Variants in PRELID2 observed in about 807,000 individuals in gnomAD.
PRELID2 encodes PRELI domain-containing protein 2.
In PRELID2, 25 loss-of-function variants were observed where a neutral mutation model predicts 28.4. The observed-to-expected ratio is 0.88, with a 90% CI of 0.64 to 1.23. The LOEUF (loss-of-function observed/expected upper bound fraction) is 1.23, where lower values mean the gene tolerates loss of function less well. Among genes scored for constraint, PRELID2 ranks in the 50% most tolerant of loss-of-function variants. The probability of loss-of-function intolerance (pLI) is 0.00; values close to 1 mark genes in which losing one functional copy is unlikely to be tolerated. For missense variants in PRELID2, 201 were observed against 214.4 expected, an observed-to-expected ratio of 0.94 and a Z score of 0.39; for synonymous variants, 76 against 71.6, an observed-to-expected ratio of 1.06 and a Z score of -0.31.
the PRELID2 span, among the ~76,000 whole-genome samples, chr5:145,377,575 C>T: frequency 1.3e-5 from 2 of 152,120 alleles, no homozygotes; most frequent in African/African-American, 4.8e-5. Flanking sequence ...ATATTTAAGA[C>T]AGTTAAATCT....
intron 4 of PRELID2, among the ~76,000 whole-genome samples, chr5:145,799,335 C>T: frequency 6.6e-6 from 1 of 151,938 alleles, no homozygotes; most frequent in East Asian, 1.9e-4. Flanking sequence ...GCTAAGGCAG[C>T]TCATCACCAC....
At chr5:145,452,309 T>A in the PRELID2 span, among the ~76,000 whole-genome samples, 1 of 152,194 alleles carries the variant, frequency 6.6e-6, no homozygotes, top group Admixed American at 6.6e-5. Flanking sequence ...TTCCACTTAC[T>A]TCTACCTCTT....
intron 1 of PRELID2, among the ~76,000 whole-genome samples, chr5:145,722,240 G>C (rs920914595): frequency 6.6e-6 from 1 of 152,106 alleles, no homozygotes; most frequent in African/African-American, 2.4e-5. Flanking sequence ...AACACTCTCA[G>C]ATTATAATAC....
chr5:145,680,521 G>A (rs79245049), intron 1 of PRELID2, among the ~76,000 whole-genome samples: 4,881 of 152,258 alleles, frequency 0.032, 252 homozygotes, highest in African/African-American at 0.11. Context: ...TGAGAAGATG[G>A]GTATTTGGGG....
At chr5:145,243,763 TTC>T in the PRELID2 span, among the ~76,000 whole-genome samples, 1 of 152,100 alleles carries the variant, frequency 6.6e-6, no homozygotes, top group Non-Finnish European at 1.5e-5. Context: ...ACAATAAATA[TTC>T]AACAAAAGTT....
At chr5:145,729,266 A>G (rs1654236) in intron 1 of PRELID2, 115,392 of 1,037,118 alleles carry the variant, frequency 0.11, 8,641 homozygotes, top group African/African-American at 0.26. Context: ...CTAACATACC[A>G]AAATCAAGCA....
the PRELID2 span, among the ~76,000 whole-genome samples, chr5:145,320,645 T>C: frequency 6.6e-6 from 1 of 152,164 alleles, no homozygotes; most frequent in East Asian, 1.9e-4. Flanking sequence ...ATTGCTATAA[T>C]GCTGAAAGAA....
chr5:145,321,192 C>A, the PRELID2 span, among the ~76,000 whole-genome samples: 4 of 152,062 alleles, frequency 2.6e-5, no homozygotes, highest in African/African-American at 9.7e-5. Context: ...TAGGAAGAAA[C>A]CCGTTAATGA....
intron 1 of PRELID2, among the ~76,000 whole-genome samples, chr5:145,707,800 C>T (rs994483499): frequency 1.3e-5 from 2 of 152,064 alleles, no homozygotes; most frequent in Non-Finnish European, 2.9e-5. Context: ...TGTGTTGTCC[C>T]TATTCAAATT....
At chr5:145,275,596 T>G in the PRELID2 span, among the ~76,000 whole-genome samples, 1 of 152,122 alleles carries the variant, frequency 6.6e-6, no homozygotes, top group Non-Finnish European at 1.5e-5. Context: ...GCAATGAGTA[T>G]GGAGCCATAA....
rs368547194 is a variant in PRELID2, at chr5:145,726,305, A to G, written n.70+38626T>C. Among the ~76,000 whole-genome samples the G allele has an allele frequency of 2.7e-5, 4 of 147,398 alleles. No homozygotes were observed. The South Asian group carries it at 6.5e-4, about 24-fold the overall frequency. ...AGACAGAAAGAAAGAAAGAAAAAGAAAGAGAGAGAGAGAGAAAGAGAGAAA... is the reference window on the plus strand; with the variant it reads ...AGACAGAAAGAAAGAAAGAAAAAGAGAGAGAGAGAGAGAGAAAGAGAGAAA... On this transcript the variant is annotated intron_variant and non_coding_transcript_variant, in intron 1 of 2. Transcript: ENST00000510259.
chr5:145,624,971 C>T lies in PRELID2; in HGVS notation n.70+139960G>A, dbSNP rs147864291. On this transcript the variant is annotated intron_variant and non_coding_transcript_variant, in intron 1 of 2. Transcript: ENST00000510259. ...AAGAGAGGCGCAAATGTCCCATAAT[C>T]ATAAGACAACAATCAACCTCATTAG... Among the ~76,000 whole-genome samples the T allele has an allele frequency of 1.8e-3, 279 of 152,184 alleles. 2 individuals are homozygous for T. The highest frequency in any genetic ancestry group is 6.5e-3 in the African/African-American group (269 of 41,552).
chr5:145,720,389 G>T (rs1755955446), intron 1 of PRELID2, among the ~76,000 whole-genome samples: 1 of 150,860 alleles, frequency 6.6e-6, no homozygotes, highest in East Asian at 1.9e-4. Flanking sequence ...AATGGCAACA[G>T]AATTGTTAGC....
chr5:145,780,089 G>A (rs1758692390), intron 5 of PRELID2, among the ~76,000 whole-genome samples: 1 of 152,190 alleles, frequency 6.6e-6, no homozygotes, highest in Non-Finnish European at 1.5e-5. Context: ...GAGGCAGGTG[G>A]ATCACCTGAG....
chr5:145,418,245 A>C, the PRELID2 span, among the ~76,000 whole-genome samples: 1 of 152,198 alleles, frequency 6.6e-6, no homozygotes, highest in African/African-American at 2.4e-5. Context: ...GAAAGGACAT[A>C]AACAAATGGA....
chr5:145,265,162 C>T, the PRELID2 span, among the ~76,000 whole-genome samples: 7 of 151,932 alleles, frequency 4.6e-5, no homozygotes, highest in South Asian at 1.2e-3. Flanking sequence ...ACATCAGCAG[C>T]TACTAAGCTG....
chr5:145,344,524 T>G, the PRELID2 span, among the ~76,000 whole-genome samples: 3 of 152,086 alleles, frequency 2.0e-5, no homozygotes, highest in African/African-American at 7.2e-5. Context: ...AAACCATGCT[T>G]TAGTAAATAT....
At chr5:145,348,205 T>C in the PRELID2 span, among the ~76,000 whole-genome samples, 1 of 152,106 alleles carries the variant, frequency 6.6e-6, no homozygotes, top group African/African-American at 2.4e-5. Flanking sequence ...GCTGAAATCT[T>C]CACATCACAT....
At chr5:145,438,253 AT>A in the PRELID2 span, among the ~76,000 whole-genome samples, 3 of 152,110 alleles carry the variant, frequency 2.0e-5, no homozygotes, top group Non-Finnish European at 4.4e-5. Flanking sequence ...AACATCAGAG[AT>A]TTGGGGAAAA....
Sources: gnomAD v4.1 joint callset for allele counts (sites outside exome capture counted in the v4.1 genomes callset) on GRCh38, gnomAD v4.1.1 for gene constraint, MANE v1.5 for transcripts, NCBI Gene and HGNC (gene_info 2026-07-23, HGNC 2026-07-21) for gene names.